CTNNA3: variants seen among roughly 807,000 people sequenced by gnomAD.
The protein encoded by CTNNA3 is catenin alpha-3.
In CTNNA3, 76 loss-of-function variants were observed where a neutral mutation model predicts 95.7. The ratio of observed to expected loss-of-function variants is 0.79; its 90% CI spans 0.66 to 0.96. CTNNA3 has a LOEUF of 0.96. CTNNA3 is among the 40% of genes least tolerant of loss of function. CTNNA3 has a pLI of 0.00. For missense variants in CTNNA3, 1,191 were observed against 1,089.8 expected (o/e 1.09, Z -1.31); for synonymous variants, 431 against 374.4 (o/e 1.15, Z -1.74).
chr10:65,989,570 C>A (rs1173899857), intron 15 of CTNNA3, among the ~76,000 whole-genome samples: 2 of 151,530 alleles, frequency 1.3e-5, no homozygotes, highest in African/African-American at 2.4e-5. Flanking sequence ...ATTTTAGTTA[C>A]TTTAAAAAAA....
chr10:66,496,378 A>G (rs949056371), intron 11 of CTNNA3, among the ~76,000 whole-genome samples: 1 of 152,234 alleles, frequency 6.6e-6, no homozygotes, highest in African/African-American at 2.4e-5. Context: ...AAGTGTGACA[A>G]TATAATTATT....
chr10:66,444,821 A>G (rs9415850), intron 11 of CTNNA3, among the ~76,000 whole-genome samples: 31,076 of 152,114 alleles, frequency 0.2, 3,542 homozygotes, highest in Middle Eastern at 0.31. Flanking sequence ...ATTCACACAT[A>G]ACACTTAACT....
intron 1 of CTNNA3, among the ~76,000 whole-genome samples, chr10:67,753,740 G>A (rs1267280989): frequency 6.6e-6 from 1 of 152,184 alleles, no homozygotes; most frequent in Admixed American, 6.5e-5. Flanking sequence ...GATCATTAGA[G>A]AAATGCAAAT....
intron 7 of CTNNA3, among the ~76,000 whole-genome samples, chr10:66,849,658 A>T (rs1253222612): frequency 6.6e-6 from 1 of 152,136 alleles, no homozygotes; most frequent in Non-Finnish European, 1.5e-5. Flanking sequence ...GGCCATGTAA[A>T]GTCGGAGGCA....
chr10:67,721,484 C>T lies in CTNNA3; in HGVS notation c.-2+41950G>A, dbSNP rs186910373. Among the ~76,000 whole-genome samples, 452 of 152,190 alleles carry T rather than the reference C, an allele frequency of 3.0e-3. 4 individuals carry two copies. Among genetic ancestry groups the T allele is most frequent in the African/African-American group, 0.01 (428 of 41,528 alleles). On this transcript the variant is annotated intron_variant, in intron 1 of 17. Transcript: ENST00000684154. Reference sequence around the variant, plus strand: ...ACTTACGTATGCTTCACAACGTTCTCGTGCTGTGTTTTTCAGCTCCATCAG... The same window carrying T: ...ACTTACGTATGCTTCACAACGTTCTTGTGCTGTGTTTTTCAGCTCCATCAG...
intron 7 of CTNNA3, among the ~76,000 whole-genome samples, chr10:67,021,962 T>G: frequency 6.6e-6 from 1 of 152,072 alleles, no homozygotes; most frequent in East Asian, 1.9e-4. Context: ...ACTAAAAAGG[T>G]TTATTCATGC....
intron 12 of CTNNA3, among the ~76,000 whole-genome samples, chr10:66,360,410 T>C (rs981844812): frequency 6.6e-6 from 1 of 152,116 alleles, no homozygotes; most frequent in African/African-American, 2.4e-5. Context: ...CTGTGGGAAA[T>C]AGATGTTGCT....
At chr10:66,769,066 ACT>A (rs1839979153) in intron 8 of CTNNA3, among the ~76,000 whole-genome samples, 1 of 152,070 alleles carries the variant, frequency 6.6e-6, no homozygotes, top group South Asian at 2.1e-4. Context: ...TTAAAGAGTG[ACT>A]GTTTTTCATA....
intron 6 of CTNNA3, among the ~76,000 whole-genome samples, chr10:67,180,760 A>G (rs961983219): frequency 3.3e-5 from 5 of 152,036 alleles, no homozygotes; most frequent in Non-Finnish European, 5.9e-5. Flanking sequence ...CAAATCTTAC[A>G]TTTCTCCCTC....
intron 7 of CTNNA3, 83 bp downstream of exon 7, chr10:67,180,234 T>G (rs1228092438): frequency 1.6e-5 from 18 of 1,158,706 alleles, no homozygotes; most frequent in Non-Finnish European, 2.3e-5. Context: ...TTTACCCTAT[T>G]TTGTATACGG....
At chr10:67,017,832 C>G (rs1251583739) in intron 7 of CTNNA3, among the ~76,000 whole-genome samples, 1 of 152,000 alleles carries the variant, frequency 6.6e-6, no homozygotes, top group Non-Finnish European at 1.5e-5. Flanking sequence ...TATAGTGGCC[C>G]AATCTCGGCT....
chr10:67,321,824 A>G (rs1161140032), intron 5 of CTNNA3, among the ~76,000 whole-genome samples: 3 of 152,090 alleles, frequency 2.0e-5, no homozygotes, highest in Non-Finnish European at 4.4e-5. Context: ...GAACTGTTTC[A>G]CCCTACCACA....
intron 7 of CTNNA3, among the ~76,000 whole-genome samples, chr10:66,798,303 C>A (rs1246114821): frequency 6.6e-6 from 1 of 151,662 alleles, no homozygotes; most frequent in Non-Finnish European, 1.5e-5. Flanking sequence ...CAATATCTTG[C>A]AGTTAATATA....
intron 7 of CTNNA3, among the ~76,000 whole-genome samples, chr10:66,923,703 T>C (rs79062620): frequency 6.6e-6 from 1 of 152,348 alleles, no homozygotes; most frequent in East Asian, 1.9e-4. Context: ...GTTTTCTCAC[T>C]TTCTAGTTTT....
chr10:67,196,846 T>C (rs887293625), intron 6 of CTNNA3, among the ~76,000 whole-genome samples: 1 of 152,102 alleles, frequency 6.6e-6, no homozygotes, highest in Non-Finnish European at 1.5e-5. Flanking sequence ...ACCATAATAT[T>C]ATAGACTGAG....
chr10:65,974,865 G>A (rs1315362584), intron 16 of CTNNA3, among the ~76,000 whole-genome samples: 3 of 151,842 alleles, frequency 2.0e-5, no homozygotes, highest in Non-Finnish European at 4.4e-5. Flanking sequence ...TTCAAATTTT[G>A]TATATCTTAA....
intron 1 of CTNNA3, among the ~76,000 whole-genome samples, chr10:67,744,190 A>G (rs1281160011): frequency 7.3e-5 from 11 of 151,208 alleles, no homozygotes; most frequent in Non-Finnish European, 1.2e-4. Context: ...AGCCCGCATC[A>G]GCAAGTCAGT....
rs12245563 is a variant in CTNNA3, at chr10:67,425,731, G to A, written c.579+96111C>T. Among the ~76,000 whole-genome samples, 1,039 of 152,136 alleles carry A rather than the reference G, an allele frequency of 6.8e-3. 10 individuals are homozygous for A. The highest frequency in any genetic ancestry group is 0.024 in the African/African-American group (988 of 41,530). ...TCACTCCATAATGAGATGAATCACA[G>A]AGGGGTCTTTTGCTACTCACAGCTG... On this transcript the variant is annotated intron_variant, in intron 5 of 17. Coordinates refer to ENST00000433211, the MANE Select transcript of CTNNA3 (RefSeq NM_013266.4).
intron 16 of CTNNA3, among the ~76,000 whole-genome samples, chr10:65,986,683 A>C (rs2078434147): frequency 6.7e-6 from 1 of 148,590 alleles, no homozygotes; most frequent in Non-Finnish European, 1.5e-5. Flanking sequence ...TACCAATGAC[A>C]TTTTTTACAT....
Sources: allele counts gnomAD v4.1 joint callset (sites outside exome capture counted in the v4.1 genomes callset), GRCh38; gene constraint gnomAD v4.1.1; transcripts MANE v1.5; gene names NCBI Gene and HGNC (gene_info 2026-07-23, HGNC 2026-07-21).